Variants in VAV2 observed in about 807,000 individuals in gnomAD.
VAV2 encodes guanine nucleotide exchange factor VAV2.
A neutral mutation model predicts 132.5 loss-of-function variants in VAV2; 67 were observed. The ratio of observed to expected loss-of-function variants is 0.51; its 90% confidence interval spans 0.42 to 0.62. VAV2 has a LOEUF of 0.62. VAV2 is among the 20% of genes least tolerant of loss of function. The probability of loss-of-function intolerance (pLI) is 0.00; values close to 1 mark genes in which losing one functional copy is unlikely to be tolerated. For missense variants in VAV2, 938 were observed against 1,153.6 expected (o/e 0.81, Z 2.71); for synonymous variants, 492 against 443.5 (o/e 1.11, Z -1.37).
At chr9:133,844,239 C>T (rs376819728) in intron 3 of VAV2, among the ~76,000 whole-genome samples, 67 of 152,290 alleles carry the variant, frequency 4.4e-4, no homozygotes, top group African/African-American at 1.5e-3. Context: ...TTTTTATTTT[C>T]CAACACGCTT....
Position 133,875,800 on chromosome 9 carries a change from G to A in VAV2, c.322-14368C>T, listed in dbSNP as rs4744524. ...ACGGCACCATCCTGCCTGGGCTAAG[G>A]GGTACCCAGAGGGCAGGTAGGACAT... is the stretch of plus-strand genomic sequence containing the variant. On this transcript the variant is annotated intron_variant, in intron 2 of 29. Transcript: ENST00000371850. 5.3e-3 allele frequency among the ~76,000 whole-genome samples: 812 copies of A among 152,296 alleles called. 25 individuals carry two copies. The highest frequency in any genetic ancestry group is 0.047 in the Admixed American group (727 of 15,308).
At chr9:133,785,174 T>C (rs763015320) in intron 17 of VAV2, among the ~76,000 whole-genome samples, 2 of 152,020 alleles carry the variant, frequency 1.3e-5, no homozygotes, top group Non-Finnish European at 2.9e-5. Context: ...CCCTCTCCAT[T>C]TCACCAGAAG....
intron 1 of VAV2, among the ~76,000 whole-genome samples, chr9:133,967,789 CG>C (rs773306385): frequency 5.2e-4 from 79 of 151,874 alleles, no homozygotes; most frequent in Middle Eastern, 3.4e-3. Context: ...AAAAATTAGC[CG>C]GATGTGGTGG....
At position 133,972,182 on chromosome 9, in the gene VAV2, C is replaced by T. The variant is rs539875166; in HGVS notation, c.204+19893G>A. Reference sequence around the variant, plus strand: ...GATCAGCCAACCCATAAAACACACACATGACTGCTTCGAAAGGTGAGGTTT... The same window carrying T: ...GATCAGCCAACCCATAAAACACACATATGACTGCTTCGAAAGGTGAGGTTT... On this transcript the variant is annotated intron_variant, in intron 1 of 29. Transcript: ENST00000371850. Among the ~76,000 whole-genome samples the T allele has an allele frequency of 9.8e-5, 15 of 152,362 alleles. No homozygotes were observed. The South Asian group carries it at 2.3e-3, about 23-fold the overall frequency.
At chr9:133,844,110 G>A (rs1836835543) in intron 3 of VAV2, among the ~76,000 whole-genome samples, 1 of 152,220 alleles carries the variant, frequency 6.6e-6, no homozygotes, top group Admixed American at 6.5e-5. Context: ...GATCTCACAG[G>A]CGGAAAGAAA....
intron 18 of VAV2, 94 bp downstream of exon 18, chr9:133,784,223 C>A (rs767388416): frequency 1.4e-6 from 2 of 1,391,246 alleles, no homozygotes; most frequent in African/African-American, 2.8e-5. Context: ...GGGCCTCCCA[C>A]AGGGAACATG....
At chr9:133,985,226 TTGTGTG>T (rs59748267) in intron 1 of VAV2, among the ~76,000 whole-genome samples, 46,984 of 137,028 alleles carry the variant, frequency 0.34, 8,404 homozygotes, top group Non-Finnish European at 0.42. Flanking sequence ...TCTTGCCTTA[TTGTGTG>T]TGTGTGTGTG....
At position 133,798,304 on chromosome 9, in the gene VAV2, G is replaced by A. The variant is rs886096; in HGVS notation, c.837-495C>T. 7.7e-3 allele frequency among the ~76,000 whole-genome samples: 1,179 copies of A among 152,296 alleles called. 26 individuals carry two copies. Among genetic ancestry groups the A allele is most frequent in the Admixed American group, 0.043 (665 of 15,306 alleles). ...GTCACCCTTGTTGCTTCCACATGGTGTCTGGATTCCACAAGCAGGGGACAA... is the reference window on the plus strand; with the variant it reads ...GTCACCCTTGTTGCTTCCACATGGTATCTGGATTCCACAAGCAGGGGACAA... On this transcript the variant is annotated intron_variant, in intron 9 of 29. Transcript: ENST00000371850.
intron 25 of VAV2, among the ~76,000 whole-genome samples, chr9:133,772,452 C>T (rs1489025670): frequency 2.0e-5 from 3 of 152,186 alleles, no homozygotes; most frequent in African/African-American, 7.2e-5. Flanking sequence ...GGCCAGGCCT[C>T]GGGCCTGCTC....
intron 2 of VAV2, among the ~76,000 whole-genome samples, chr9:133,910,833 A>G (rs1839857647): frequency 7.6e-6 from 1 of 132,408 alleles, no homozygotes; most frequent in East Asian, 2.0e-4. Flanking sequence ...CAAAAAAAAA[A>G]AAAAGAAAAA....
chr9:133,986,544 G>A (rs1438668967), intron 1 of VAV2, among the ~76,000 whole-genome samples: 1 of 152,226 alleles, frequency 6.6e-6, no homozygotes, highest in African/African-American at 2.4e-5. Context: ...GATGGAGACA[G>A]CAGTGCTGTG....
At chr9:133,913,777 C>A (rs910324762) in intron 2 of VAV2, among the ~76,000 whole-genome samples, 1 of 152,296 alleles carries the variant, frequency 6.6e-6, no homozygotes, top group African/African-American at 2.4e-5. Context: ...CAGTGAGCCT[C>A]GGGGCCGGCT....
intron 2 of VAV2, among the ~76,000 whole-genome samples, chr9:133,872,038 A>G (rs920515654): frequency 1.8e-4 from 27 of 152,246 alleles, no homozygotes; most frequent in African/African-American, 6.0e-4. Context: ...CTGGAATCAC[A>G]TCCAGGACTC....
chr9:133,851,408 G>C (rs1837161684), intron 3 of VAV2, among the ~76,000 whole-genome samples: 1 of 152,164 alleles, frequency 6.6e-6, no homozygotes, highest in African/African-American at 2.4e-5. Context: ...TAACAATCCA[G>C]TAACTCCAAA....
chr9:133,978,126 G>C (rs1244586338), intron 1 of VAV2, among the ~76,000 whole-genome samples: 1 of 152,268 alleles, frequency 6.6e-6, no homozygotes, highest in Non-Finnish European at 1.5e-5. Context: ...GTGTTCGAGG[G>C]TGAGGCCAGG....
chr9:133,956,506 T>A (rs961843787), intron 1 of VAV2, among the ~76,000 whole-genome samples: 1 of 152,242 alleles, frequency 6.6e-6, no homozygotes, highest in Non-Finnish European at 1.5e-5. Context: ...AGACATTACT[T>A]TTAGAATTTC....
At chr9:133,784,938 T>A (rs1834157413) in intron 17 of VAV2, among the ~76,000 whole-genome samples, 1 of 152,050 alleles carries the variant, frequency 6.6e-6, no homozygotes, top group African/African-American at 2.4e-5. Context: ...CACCATCACG[T>A]CGCTTCAGCT....
intron 2 of VAV2, among the ~76,000 whole-genome samples, chr9:133,896,564 G>A (rs1004178880): frequency 4.6e-5 from 7 of 152,202 alleles, no homozygotes; most frequent in East Asian, 1.9e-4. Flanking sequence ...GGCAACTTTC[G>A]TCATTGGCTC....
At chr9:133,798,357 T>C (rs966584604) in intron 9 of VAV2, among the ~76,000 whole-genome samples, 1 of 152,178 alleles carries the variant, frequency 6.6e-6, no homozygotes, top group African/African-American at 2.4e-5. Context: ...TCTTCAGGGA[T>C]GCAGGCAGCC....
Sources: allele counts gnomAD v4.1 joint callset (sites outside exome capture counted in the v4.1 genomes callset), GRCh38; gene constraint gnomAD v4.1.1; transcripts MANE v1.5; gene names NCBI Gene and HGNC (gene_info 2026-07-23, HGNC 2026-07-21).